TET3: variants seen among roughly 807,000 people sequenced by gnomAD.
TET3 encodes the protein tet methylcytosine dioxygenase 3.
A neutral mutation model predicts 141.4 loss-of-function variants in TET3; 19 were observed. That is an observed-to-expected ratio of 0.13 (90% CI 0.09 to 0.20). The LOEUF is 0.20. Among genes scored for constraint, TET3 ranks in the 10% least tolerant of loss-of-function variants. TET3 has a pLI of 1.00. For missense variants in TET3, 1,874 were observed against 2,356.9 expected (o/e 0.80, Z 4.24); for synonymous variants, 1,043 against 980.9 (o/e 1.06, Z -1.18).
At chr2:74,056,899 G>T (rs777402469) in intron 4 of TET3, among the ~76,000 whole-genome samples, 4 of 152,174 alleles carry the variant, frequency 2.6e-5, no homozygotes, top group African/African-American at 7.2e-5. Context: ...TCCCAGTGTT[G>T]GGAAAAGTAA....
chr2:74,123,871 G>GC, the TET3 span, among the ~76,000 whole-genome samples: 1 of 147,714 alleles, frequency 6.8e-6, no homozygotes, highest in African/African-American at 2.6e-5. Flanking sequence ...CTGCCCCGCC[G>GC]CCCCGTCTGG....
chr2:74,050,464 G>A lies in TET3; in HGVS notation c.2494+2053G>A, dbSNP rs186116616. Among the ~76,000 whole-genome samples, 269 of 152,260 alleles carry A rather than the reference G, an allele frequency of 1.8e-3. 2 individuals are homozygous for A. Among genetic ancestry groups the A allele is most frequent in the Non-Finnish European group, 7.9e-4 (54 of 68,024 alleles). The stretch of plus-strand genomic sequence containing the variant: ...AAAAAAAAAGTTGGCTGTTCCTTTA[G>A]TTACCATATATTAATTACCTAGCCA... On this transcript the variant is annotated intron_variant, in intron 4 of 11. Coordinates refer to ENST00000409262, the MANE Select transcript of TET3 (RefSeq NM_001287491.2).
intron 2 of TET3, among the ~76,000 whole-genome samples, chr2:74,002,368 C>G (rs1489512993): frequency 2.1e-5 from 3 of 145,300 alleles, no homozygotes; most frequent in Admixed American, 6.8e-5. Context: ...GGAATCCCCC[C>G]CCACCCCCCC....
At chr2:74,077,690 C>T (rs552514784) in intron 5 of TET3, among the ~76,000 whole-genome samples, 3 of 152,202 alleles carry the variant, frequency 2.0e-5, no homozygotes, top group South Asian at 2.1e-4. Context: ...TTGTCTAATG[C>T]GAGGTTCACT....
intron 3 of TET3, among the ~76,000 whole-genome samples, 164 bp downstream of exon 3, chr2:74,003,330 A>G (rs1446145896): frequency 2.0e-5 from 3 of 151,392 alleles, no homozygotes; most frequent in South Asian, 2.1e-4. Flanking sequence ...TGGGCGGCCA[A>G]TGAATTCTCA....
chr2:74,116,418 C>G, the TET3 span, among the ~76,000 whole-genome samples: 2 of 152,166 alleles, frequency 1.3e-5, no homozygotes, highest in Non-Finnish European at 2.9e-5. Flanking sequence ...CACGGTGGCT[C>G]ATGCCTGTAA....
chr2:74,040,219 A>AGAGTGT (rs1687271970), intron 3 of TET3, among the ~76,000 whole-genome samples: 6 of 152,034 alleles, frequency 3.9e-5, no homozygotes, highest in African/African-American at 1.4e-4. Flanking sequence ...AGAGTGGAGA[A>AGAGTGT]GAGTGTGTGT....
At chr2:74,019,188 T>C (rs978085198) in intron 3 of TET3, among the ~76,000 whole-genome samples, 8 of 152,202 alleles carry the variant, frequency 5.3e-5, no homozygotes, top group African/African-American at 1.9e-4. Flanking sequence ...GCCCAGGAGT[T>C]GGAGGCTGCG....
chr2:74,048,087 C>T lies in TET3; in HGVS notation c.2170C>T (p.Leu724Phe). Residue 724 changes from leucine (L) to phenylalanine (F), a missense_variant, in exon 4 of 12, where the codon CTT becomes TTT. Leu to Phe is a conservative substitution (Grantham distance 22, BLOSUM62 0). Around this residue, in one of 10 missense-constraint regions of TET3, gnomAD observed 484 missense variants for 462.2 expected, o/e 1.05. Transcript: ENST00000409262. ...GGCTGAATTTGGAGATAGCTTTGGG[C>T]TTCCCGGCCCCCCTTCTGTGCCCAT... ...FEAEFGDSFG[L>F]PGPPSVPIQD... The T allele has an allele frequency of 6.2e-7, 1 of 1,613,492 alleles. No individual in the cohort carries two copies. Among genetic ancestry groups the T allele is most frequent in the Non-Finnish European group, 8.5e-7 (1 of 1,179,696 alleles).
At chr2:74,021,068 A>G (rs1230129473) in intron 3 of TET3, among the ~76,000 whole-genome samples, 1 of 152,172 alleles carries the variant, frequency 6.6e-6, no homozygotes, top group Non-Finnish European at 1.5e-5. Context: ...GAAATACTGG[A>G]TTGGGGAAAA....
At position 74,046,799 on chromosome 2, in the gene TET3, C is replaced by A. The variant is rs772948741; in HGVS notation, c.882C>A (p.Val294=). 14 of 1,613,264 alleles carry A rather than the reference C, an allele frequency of 8.7e-6. No homozygotes were observed. In the African/African-American group the frequency reaches 1.9e-4, roughly 22 times the overall value. The change falls in exon 4 of 12, where the codon GTC becomes GTA. Residue 294 remains valine (V), a synonymous_variant. Transcript: ENST00000409262. The surrounding 1 kb of genome is among the most constrained non-coding windows in gnomAD (Gnocchi z 4.3). ...EWLEGKIKSV[V]MEGGEERPRL... is the part of the protein sequence containing the mutation. Reference sequence around the variant, plus strand: ...TGGAGGGGAAGATCAAGTCTGTGGTCATGGAAGGAGGGGAGGAGCGGCCCA... The same window carrying A: ...TGGAGGGGAAGATCAAGTCTGTGGTAATGGAAGGAGGGGAGGAGCGGCCCA...
At chr2:74,128,862 C>T in the TET3 span, among the ~76,000 whole-genome samples, 4 of 151,704 alleles carry the variant, frequency 2.6e-5, no homozygotes, top group African/African-American at 9.7e-5. Context: ...CATGGTGGTG[C>T]ACACCTATAC....
At chr2:74,132,802 G>A in the TET3 span, among the ~76,000 whole-genome samples, 8 of 152,244 alleles carry the variant, frequency 5.3e-5, no homozygotes, top group African/African-American at 1.9e-4. Context: ...GGAAGGGACA[G>A]CAGATGAAGG....
rs1444900074 is a variant in TET3 at position 74,099,620 on chromosome 2, G to T, written c.3604+8G>T. 1 of 1,549,000 alleles carries T rather than the reference G, an allele frequency of 6.5e-7. No homozygotes were observed. Among genetic ancestry groups the T allele is most frequent in the Non-Finnish European group, 8.7e-7 (1 of 1,144,092 alleles). ...GCATTACGTCGGACCCAGGTGTGTG[G>T]GGGGAGGGTGCCCGCTTGGAGTCAC... On this transcript the variant is annotated splice_region_variant and intron_variant, in intron 11 of 11. Coordinates refer to ENST00000409262, the MANE Select transcript of TET3 (RefSeq NM_001287491.2).
the TET3 span, chr2:74,122,509 A>ATTTTTTT: frequency 2.6e-5 from 2 of 76,242 alleles, no homozygotes; most frequent in Non-Finnish European, 4.8e-5. Flanking sequence ...ATATATATAT[A>ATTTTTTT]TATTTTTTTT....
In TET3 at chr2:74,093,753, G is replaced by A; in HGVS notation, c.3267+87G>A. 1 of 1,432,470 alleles carries A rather than the reference G, an allele frequency of 7.0e-7. No homozygotes were observed. The allele number at this position is 1,432,470 out of a possible 1,614,324, so 88.7% of individuals were successfully genotyped here. On this transcript the variant is annotated intron_variant, in intron 10 of 11. Transcript: ENST00000409262. This position sits in a 1 kb window ranked among gnomAD's most constrained non-coding sequence, Gnocchi z 4.2. ...GTCTTTTCAGAAAGGCAGGCTGAGG[G>A]TAGGGAGGGACCTGGAGACAGGATC...
intron 3 of TET3, among the ~76,000 whole-genome samples, chr2:74,013,522 T>C (rs903726928): frequency 4.6e-5 from 7 of 151,992 alleles, no homozygotes; most frequent in Admixed American, 6.6e-5. Context: ...ATTCTTTTTA[T>C]TGGGGCTGGG....
chr2:74,041,536 C>T (rs1210949253), intron 3 of TET3, among the ~76,000 whole-genome samples: 2 of 151,830 alleles, frequency 1.3e-5, no homozygotes, highest in Non-Finnish European at 2.9e-5. Context: ...ATTAGTAGAC[C>T]CCGAAATCAA....
At chr2:74,125,153 C>A in the TET3 span, among the ~76,000 whole-genome samples, 1 of 151,806 alleles carries the variant, frequency 6.6e-6, no homozygotes, top group African/African-American at 2.4e-5. Flanking sequence ...ATTACAGGTG[C>A]CTGCCACCTG....
Sources: allele counts gnomAD v4.1 joint callset (sites outside exome capture counted in the v4.1 genomes callset), GRCh38; gene constraint gnomAD v4.1.1; regional missense constraint gnomAD v4.1.1; non-coding constraint Gnocchi (gnomAD v3.1); transcripts MANE v1.5; gene names NCBI Gene and HGNC (gene_info 2026-07-23, HGNC 2026-07-21).